Variants in BEND6 observed in about 807,000 individuals in gnomAD.
BEND6 encodes the protein BEN domain-containing protein 6.
In BEND6, 24 loss-of-function variants were observed where a neutral mutation model predicts 31.8. The ratio of observed to expected loss-of-function variants is 0.75; its 90% CI spans 0.55 to 1.06. The LOEUF (loss-of-function observed/expected upper bound fraction) is 1.06. Ranked by LOEUF, BEND6 falls within the 50% of genes least tolerant of loss-of-function variation. The pLI is 0.00. For synonymous variants in BEND6, 109 were observed against 114.6 expected (o/e 0.95, Z 0.31); for missense variants, 294 against 327.4 (o/e 0.90, Z 0.79).
At chr6:56,960,058 T>C (rs1825234962) in intron 1 of BEND6, among the ~76,000 whole-genome samples, 1 of 152,196 alleles carries the variant, frequency 6.6e-6, no homozygotes, top group Non-Finnish European at 1.5e-5. Flanking sequence ...CAGACAGTTT[T>C]TGGAAAGTAA....
At chr6:56,966,136 C>T (rs1029325592) in intron 1 of BEND6, among the ~76,000 whole-genome samples, 1 of 152,218 alleles carries the variant, frequency 6.6e-6, no homozygotes, top group East Asian at 1.9e-4. Context: ...GAGTCTTGCT[C>T]TGTCACCCAG....
chr6:56,998,524 A>G lies in BEND6; in HGVS notation c.298+5969A>G, dbSNP rs1394236793. Reference sequence around the variant, plus strand: ...TAAATTGTCAGTATTTATCATGTGTACACCTAGGAAAAACAAAGCATCAGC... The same window carrying G: ...TAAATTGTCAGTATTTATCATGTGTGCACCTAGGAAAAACAAAGCATCAGC... On this transcript the variant is annotated intron_variant, in intron 3 of 6. Transcript: ENST00000370746. Among the ~76,000 whole-genome samples the G allele has an allele frequency of 7.9e-5, 12 of 152,310 alleles. No individual in the cohort carries two copies. The South Asian group carries it at 2.3e-3, about 29-fold the overall frequency.
chr6:56,962,423 A>C (rs1033905499), intron 1 of BEND6, among the ~76,000 whole-genome samples: 1 of 151,806 alleles, frequency 6.6e-6, no homozygotes, highest in Non-Finnish European at 1.5e-5. Context: ...TGACTGTTTC[A>C]CTCCAGTGGG....
intron 2 of BEND6, among the ~76,000 whole-genome samples, chr6:56,988,978 C>T (rs1461385850): frequency 6.6e-6 from 1 of 152,062 alleles, no homozygotes; most frequent in Non-Finnish European, 1.5e-5. Flanking sequence ...TTGCAGTGAG[C>T]CGAGATCGTG....
At chr6:56,958,936 G>C (rs1258062913) in intron 1 of BEND6, among the ~76,000 whole-genome samples, 1 of 152,094 alleles carries the variant, frequency 6.6e-6, no homozygotes, top group Non-Finnish European at 1.5e-5. Flanking sequence ...AAAGAGGAGA[G>C]GGTTGTTGTC....
intron 2 of BEND6, among the ~76,000 whole-genome samples, chr6:56,986,981 T>G (rs1174798707): frequency 1.1e-4 from 16 of 149,604 alleles, no homozygotes; most frequent in South Asian, 2.1e-4. Context: ...TTCTTTTTTT[T>G]TTTTTTTTTT....
At chr6:56,970,974 C>A (rs9464411) in intron 1 of BEND6, among the ~76,000 whole-genome samples, 13,063 of 152,170 alleles carry the variant, frequency 0.086, 742 homozygotes, top group East Asian at 0.18. Context: ...GTAAAACACA[C>A]ATAACATAAA....
At chr6:57,015,008 C>T (rs1827482927) in intron 3 of BEND6, 125 bp from the exon 4 acceptor site, 2 of 684,982 alleles carry the variant, frequency 2.9e-6, no homozygotes, top group Non-Finnish European at 4.7e-6. Flanking sequence ...TGTTTATTTT[C>T]CAAAGATAGC....
chr6:56,986,468 C>T (rs2127857230), intron 2 of BEND6, among the ~76,000 whole-genome samples: 1 of 151,822 alleles, frequency 6.6e-6, no homozygotes, highest in East Asian at 1.9e-4. Flanking sequence ...AATAAATAAA[C>T]AAAATAAAAT....
Position 56,981,695 on chromosome 6 carries a change from T to C in BEND6, c.-100-16T>C, listed in dbSNP as rs1341862652. 5.1e-6 allele frequency: 6 copies of C among 1,182,766 alleles called. No individual in the cohort carries two copies. In the East Asian group the frequency reaches 1.5e-4, roughly 29 times the overall value. 73.3% of individuals were successfully genotyped at this position (1,182,766 alleles called of 1,614,324 possible). A position where few individuals can be genotyped will look rare whatever the true frequency, so the allele number is the denominator to read the frequency against. On this transcript the variant is annotated splice_polypyrimidine_tract_variant and intron_variant, in intron 1 of 6. Transcript: ENST00000370746. ...GTGAATATGTTATGTGTCATGTTTT[T>C]GTTTTTGTTTTTAAGGGAAAGCATT...
intron 3 of BEND6, chr6:57,008,117 A>G: frequency 2.9e-6 from 2 of 698,676 alleles, no homozygotes; most frequent in Admixed American, 4.1e-5. Context: ...AAAGGGCCCC[A>G]GTACCTTCAA....
In BEND6 at chr6:56,991,286, A is replaced by C. The variant is rs150892384; in HGVS notation, c.121-1092A>C. 3.2e-4 allele frequency among the ~76,000 whole-genome samples: 48 copies of C among 152,164 alleles called. 1 individual carries two copies. The East Asian group carries it at 8.1e-3, about 26-fold the overall frequency. The stretch of plus-strand genomic sequence containing the variant: ...TCAATGACATCTGTTCTCAGGATTT[A>C]AACATAAATACAGAATATTTAGGCT... On this transcript the variant is annotated intron_variant, in intron 2 of 6. Coordinates refer to ENST00000370746, the MANE Select transcript of BEND6 (RefSeq NM_152731.3).
At chr6:56,957,474 A>G (rs1217998413) in intron 1 of BEND6, among the ~76,000 whole-genome samples, 1 of 152,232 alleles carries the variant, frequency 6.6e-6, no homozygotes, top group Non-Finnish European at 1.5e-5. Context: ...CTGTGTGTTT[A>G]TGTGGTGCCT....
chr6:56,956,382 C>T (rs1824978569), intron 1 of BEND6, among the ~76,000 whole-genome samples: 1 of 152,112 alleles, frequency 6.6e-6, no homozygotes, highest in Admixed American at 6.5e-5. Flanking sequence ...TATACAAAAC[C>T]GTACAGCTCT....
intron 4 of BEND6, among the ~76,000 whole-genome samples, chr6:57,016,577 T>G (rs529593765): frequency 6.6e-6 from 1 of 152,198 alleles, no homozygotes; most frequent in African/African-American, 2.4e-5. Context: ...CTAGAAGCAA[T>G]CACATTCCTT....
chr6:57,022,164 CTTTTTTTTTTTTTT>C (rs57185788), intron 6 of BEND6, among the ~76,000 whole-genome samples: 1 of 111,162 alleles, frequency 9.0e-6, no homozygotes, highest in Non-Finnish European at 2.0e-5. Context: ...TTTTCTTTTT[CTTTTTTTTTTTTTT>C]TTTTGAAGAA....
In BEND6 at chr6:56,981,471, T is replaced by TA. The variant is rs1826065763; in HGVS notation, c.-100-239dup. Among the ~76,000 whole-genome samples, 5 of 152,226 alleles carry TA rather than the reference T, an allele frequency of 3.3e-5. No individual in the cohort carries two copies. The South Asian group carries it at 8.3e-4, about 25-fold the overall frequency. On this transcript the variant is annotated intron_variant, in intron 1 of 6. Coordinates refer to ENST00000370746, the MANE Select transcript of BEND6 (RefSeq NM_152731.3). ...AAGAAAAAAACTTATGAAAAAGTGTTACAATATTTGATTTTGTAAATTACA... is the reference window on the plus strand; with the variant it reads ...AAGAAAAAAACTTATGAAAAAGTGTTAACAATATTTGATTTTGTAAATTACA...
At chr6:56,983,522 T>G (rs1203940058) in intron 2 of BEND6, among the ~76,000 whole-genome samples, 1 of 151,952 alleles carries the variant, frequency 6.6e-6, no homozygotes, top group Non-Finnish European at 1.5e-5. Context: ...TATTTGAAAG[T>G]TTTTTTTAGA....
At chr6:56,978,436 C>T (rs1417526068) in intron 1 of BEND6, among the ~76,000 whole-genome samples, 7 of 152,174 alleles carry the variant, frequency 4.6e-5, no homozygotes, top group Non-Finnish European at 7.3e-5. Context: ...CCAACCTACT[C>T]CTCACCCATA....
Sources: gnomAD v4.1 joint callset for allele counts (sites outside exome capture counted in the v4.1 genomes callset) on GRCh38, gnomAD v4.1.1 for gene constraint, MANE v1.5 for transcripts, NCBI Gene and HGNC (gene_info 2026-07-23, HGNC 2026-07-21) for gene names.